Variants in GSE1 observed in about 807,000 individuals in gnomAD.
GSE1 encodes the protein Gse1 coiled-coil protein, also known as genetic suppressor element 1.
In GSE1, 32 loss-of-function variants were observed where a neutral mutation model predicts 112.6. The ratio of observed to expected loss-of-function variants is 0.28; its 90% CI spans 0.21 to 0.38. GSE1 has a LOEUF of 0.38. Among genes scored for constraint, GSE1 ranks in the 10% least tolerant of loss-of-function variants. GSE1 has a pLI of 1.00. For missense variants in GSE1, 2,348 were observed against 1,699.2 expected (o/e 1.38, Z -6.71); for synonymous variants, 1,115 against 735.6 (o/e 1.52, Z -8.35).
intron 1 of GSE1, among the ~76,000 whole-genome samples, chr16:85,350,554 A>G (rs2046831859): frequency 6.6e-6 from 1 of 151,366 alleles, no homozygotes; most frequent in Admixed American, 6.6e-5. Flanking sequence ...CCCCGCCCCC[A>G]CCATCTGCAC....
chr16:85,196,459 G>A (rs772242803), intron 1 of GSE1, among the ~76,000 whole-genome samples: 33 of 152,300 alleles, frequency 2.2e-4, no homozygotes, highest in South Asian at 6.2e-4. Context: ...GTCTTGGCTT[G>A]TCACAATGAG....
At chr16:85,259,733 T>C (rs1907470877) in intron 1 of GSE1, among the ~76,000 whole-genome samples, 1 of 152,210 alleles carries the variant, frequency 6.6e-6, no homozygotes. Context: ...GCCCACCACC[T>C]GCTCTCTGCT....
chr16:85,368,638 G>A (rs963797828), intron 2 of GSE1, among the ~76,000 whole-genome samples: 3 of 152,278 alleles, frequency 2.0e-5, no homozygotes, highest in East Asian at 1.9e-4. Flanking sequence ...CCAGGAGTTC[G>A]AGGCTGCAGT....
At chr16:85,527,592 C>T (rs552239887) in intron 2 of GSE1, among the ~76,000 whole-genome samples, 2 of 152,272 alleles carry the variant, frequency 1.3e-5, no homozygotes, top group African/African-American at 2.4e-5. Context: ...CCGGGAGGGG[C>T]TTGCAGCGGT....
intron 14 of GSE1, among the ~76,000 whole-genome samples, chr16:85,669,911 C>A (rs554165676): frequency 3.0e-4 from 46 of 152,192 alleles, no homozygotes; most frequent in Non-Finnish European, 4.7e-4. Context: ...CCTGCGCTGA[C>A]CCCCTCTTCT....
intron 2 of GSE1, among the ~76,000 whole-genome samples, chr16:85,434,334 A>G: frequency 7.3e-6 from 1 of 137,128 alleles, no homozygotes; most frequent in Admixed American, 7.2e-5. Flanking sequence ...AATAATAATA[A>G]TAATAATAAT....
At chr16:85,476,048 A>C (rs190864311) in intron 2 of GSE1, among the ~76,000 whole-genome samples, 1 of 152,280 alleles carries the variant, frequency 6.6e-6, no homozygotes, top group East Asian at 1.9e-4. Context: ...CTCCCGCCTC[A>C]GCCTCCCCAG....
chr16:85,613,868 G>C (rs931402555), intron 1 of GSE1, among the ~76,000 whole-genome samples: 1 of 148,670 alleles, frequency 6.7e-6, no homozygotes, highest in Non-Finnish European at 1.5e-5. Context: ...GTGGGGGGGG[G>C]GGGTGCTCGC....
At chr16:85,216,049 G>C (rs1246122190) in intron 1 of GSE1, among the ~76,000 whole-genome samples, 1 of 152,206 alleles carries the variant, frequency 6.6e-6, no homozygotes, top group Non-Finnish European at 1.5e-5. Flanking sequence ...GAGTTGGGGA[G>C]GGGCAAGCCC....
At chr16:85,182,272 C>T (rs1165675126) in intron 1 of GSE1, among the ~76,000 whole-genome samples, 1 of 152,204 alleles carries the variant, frequency 6.6e-6, no homozygotes, top group African/African-American at 2.4e-5. Flanking sequence ...CAGAATGTAC[C>T]TGGTGGACCC....
chr16:85,659,218 T>A (rs940718671), intron 8 of GSE1, among the ~76,000 whole-genome samples: 3 of 152,130 alleles, frequency 2.0e-5, no homozygotes, highest in African/African-American at 7.2e-5. Flanking sequence ...GTGGCTGTGT[T>A]TAAACAGGGC....
intron 1 of GSE1, among the ~76,000 whole-genome samples, chr16:85,230,515 G>C (rs1160786794): frequency 6.6e-6 from 1 of 152,212 alleles, no homozygotes; most frequent in Non-Finnish European, 1.5e-5. Flanking sequence ...CTCACTGGCT[G>C]TCTCTAGGCC....
intron 1 of GSE1, among the ~76,000 whole-genome samples, chr16:85,339,341 C>G (rs746417700): frequency 6.6e-6 from 1 of 152,158 alleles, no homozygotes; most frequent in African/African-American, 2.4e-5. Flanking sequence ...TTGCCTGGAC[C>G]CAGGGCTGTG....
In GSE1 at chr16:85,672,551, G is replaced by A. The variant is rs1204602998; in HGVS notation, c.*12G>A. On this transcript the variant is annotated 3_prime_UTR_variant, in exon 16 of 16. Transcript: ENST00000253458. ...GATATCCCAGGTGACGGTTTCCCTTGCACTAGGCCGAACCTATAGTATAGA... is the reference window on the plus strand; with the variant it reads ...GATATCCCAGGTGACGGTTTCCCTTACACTAGGCCGAACCTATAGTATAGA... 1.3e-6 allele frequency: 2 copies of A among 1,581,982 alleles called. No individual in the cohort carries two copies. The highest frequency in any genetic ancestry group is 1.7e-5 in the Admixed American group (1 of 58,226).
In GSE1 at chr16:85,673,454, TTTG is replaced by T. The variant is rs774176181; in HGVS notation, c.*921_*923del. On this transcript the variant is annotated 3_prime_UTR_variant, in exon 16 of 16. Transcript: ENST00000253458. Reference sequence around the variant, plus strand: ...TTGTTTTTCCTGTTTGGGGGTTTTGTTTGTTGTTTTGGTTTTTTTTGGGCAAAA... The same window carrying T: ...TTGTTTTTCCTGTTTGGGGGTTTTGTTTGTTTTGGTTTTTTTTGGGCAAAA... 8 of 151,702 alleles carry T rather than the reference TTTG, an allele frequency of 5.3e-5. No individual in the cohort carries two copies. Among genetic ancestry groups the T allele is most frequent in the African/African-American group, 7.3e-5 (3 of 41,142 alleles). 9.4% of individuals were successfully genotyped at this position (151,702 alleles called of 1,614,324 possible). A position where few individuals can be genotyped will look rare whatever the true frequency, so the allele number is the denominator to read the frequency against.
intron 2 of GSE1, among the ~76,000 whole-genome samples, chr16:85,645,578 C>A (rs1215164521): frequency 2.0e-5 from 3 of 152,222 alleles, no homozygotes; most frequent in Non-Finnish European, 4.4e-5. Context: ...GGGGCCTCTG[C>A]CTCCTGGTCA....
chr16:85,588,998 C>T (rs1386699087), intron 1 of GSE1, among the ~76,000 whole-genome samples: 1 of 152,184 alleles, frequency 6.6e-6, no homozygotes, highest in African/African-American at 2.4e-5. Flanking sequence ...TATACTCACA[C>T]ATCTGCGGGT....
chr16:85,393,798 C>A (rs1024533757), intron 2 of GSE1, among the ~76,000 whole-genome samples: 5 of 152,346 alleles, frequency 3.3e-5, no homozygotes, highest in Non-Finnish European at 7.4e-5. Context: ...CCCCCACTGC[C>A]CCCCAGCCTG....
At chr16:85,562,688 G>A (rs1035869779) in intron 1 of GSE1, among the ~76,000 whole-genome samples, 3 of 152,342 alleles carry the variant, frequency 2.0e-5, no homozygotes, top group South Asian at 2.1e-4. Flanking sequence ...GCTCCGTGTC[G>A]CTTGCCCATC....
Sources: allele counts gnomAD v4.1 joint callset (sites outside exome capture counted in the v4.1 genomes callset), GRCh38; gene constraint gnomAD v4.1.1; transcripts MANE v1.5; gene names NCBI Gene and HGNC (gene_info 2026-07-23, HGNC 2026-07-21).